ISM1: variants seen among roughly 807,000 people sequenced by gnomAD.
ISM1 encodes the protein isthmin-1.
A neutral mutation model predicts 46.3 loss-of-function variants in ISM1; 25 were observed. The observed-to-expected ratio is 0.54, with a 90% CI of 0.39 to 0.75. The LOEUF (loss-of-function observed/expected upper bound fraction) is 0.75. Among genes scored for constraint, ISM1 ranks in the 30% least tolerant of loss-of-function variants. The pLI is 0.00. For synonymous variants in ISM1, 255 were observed against 256.7 expected (o/e 0.99, Z 0.06); for missense variants, 536 against 625.4 (o/e 0.86, Z 1.52).
chr20:13,272,105 C>A (rs530630996), intron 2 of ISM1, among the ~76,000 whole-genome samples: 108 of 152,158 alleles, frequency 7.1e-4, no homozygotes, highest in Non-Finnish European at 4.0e-4. Context: ...GCTTCCAATT[C>A]TTTCTATTTG....
chr20:13,299,469 G>A lies in ISM1; in HGVS notation c.*10G>A. On this transcript the variant is annotated 3_prime_UTR_variant, in exon 6 of 6. Transcript: ENST00000262487. The surrounding 1 kb of genome is among the most constrained non-coding windows in gnomAD (Gnocchi z 5.8). ...GGCCAGGGAATATTAAAGAGACTGG[G>A]ATGAGGTGGAGGACGCTGCCTCTGG... 1 of 1,584,972 alleles carries A rather than the reference G, an allele frequency of 6.3e-7. No individual in the cohort carries two copies. Among genetic ancestry groups the A allele is most frequent in the South Asian group, 1.1e-5 (1 of 90,008 alleles).
intron 1 of ISM1, among the ~76,000 whole-genome samples, chr20:13,261,436 A>G (rs2039988599): frequency 6.6e-6 from 1 of 152,084 alleles, no homozygotes; most frequent in South Asian, 2.1e-4. Flanking sequence ...AAAAAAAAAA[A>G]AAAGAAAAAA....
At chr20:13,310,877 C>A in the ISM1 span, among the ~76,000 whole-genome samples, 4 of 152,256 alleles carry the variant, frequency 2.6e-5, no homozygotes, top group Middle Eastern at 3.4e-3. Context: ...TTACTTCATA[C>A]CTGTAAGGAA....
At chr20:13,311,754 G>C in the ISM1 span, among the ~76,000 whole-genome samples, 1 of 152,312 alleles carries the variant, frequency 6.6e-6, no homozygotes, top group Middle Eastern at 3.4e-3. Flanking sequence ...TACCAGCAGA[G>C]AGTAGAATGG....
chr20:13,260,139 C>A (rs1378446528), intron 1 of ISM1, among the ~76,000 whole-genome samples: 1 of 152,232 alleles, frequency 6.6e-6, no homozygotes, highest in Non-Finnish European at 1.5e-5. Flanking sequence ...CAGGAACAAT[C>A]TGTACAGGCA....
At chr20:13,254,651 G>T (rs756734661) in intron 1 of ISM1, among the ~76,000 whole-genome samples, 1 of 152,286 alleles carries the variant, frequency 6.6e-6, no homozygotes, top group South Asian at 2.1e-4. Flanking sequence ...AAAGGGAGAA[G>T]CTGGGCACTA....
chr20:13,238,237 C>T (rs1221608845), intron 1 of ISM1: 1 of 152,180 alleles, frequency 6.6e-6, no homozygotes, highest in Non-Finnish European at 1.5e-5. Flanking sequence ...GAGACTTCTA[C>T]TGGACATGGT....
At chr20:13,266,849 T>C (rs555625698) in intron 1 of ISM1, among the ~76,000 whole-genome samples, 149 of 152,336 alleles carry the variant, frequency 9.8e-4, no homozygotes, top group Non-Finnish European at 1.9e-3. Flanking sequence ...GCTGGAATAA[T>C]TCACGTGGAA....
chr20:13,223,765 C>G (rs2039480495), intron 1 of ISM1, among the ~76,000 whole-genome samples: 1 of 152,126 alleles, frequency 6.6e-6, no homozygotes, highest in East Asian at 1.9e-4. Flanking sequence ...ACCCACCAAT[C>G]TAACACTGCG....
At position 13,221,533 on chromosome 20, in the gene ISM1, C is replaced by A. The variant is rs1165765714; in HGVS notation, c.-244C>A. 1.4e-5 allele frequency among the ~76,000 whole-genome samples: 2 copies of A among 144,348 alleles called. No homozygotes were observed. The highest frequency in any genetic ancestry group is 2.5e-5 in the African/African-American group (1 of 40,296). The allele number at this position is 144,348 out of a possible 152,430, so 94.7% of individuals were successfully genotyped here. A position where few individuals can be genotyped will look rare whatever the true frequency, so the allele number is the denominator to read the frequency against. ...CAGCCGGCTTGGACACCCCCGGCCT[C>A]GCGGTGGCTCCGCCGTGGTGCGGCG... is the stretch of plus-strand genomic sequence containing the variant. On this transcript the variant is annotated 5_prime_UTR_variant, in exon 1 of 6. Transcript: ENST00000262487.
chr20:13,279,788 A>G lies in ISM1; in HGVS notation c.533A>G (p.Tyr178Cys), dbSNP rs2040218029. The G allele has an allele frequency of 6.2e-7, 1 of 1,614,054 alleles. No individual in the cohort carries two copies. The highest frequency in any genetic ancestry group is 8.5e-7 in the Non-Finnish European group (1 of 1,179,900). The change falls in exon 3 of 6, where the codon TAC (tyrosine) becomes TGC (cysteine). Residue 178 changes from tyrosine to cysteine, a missense_variant. Physicochemically the swap from Tyr to Cys is radical, Grantham distance 194. Transcript: ENST00000262487. ...AGGGCAAACAGCGGGGACCAGGACTACAAGTACGACAGTACCTCAGACGAC... is the reference window on the plus strand; with the variant it reads ...AGGGCAAACAGCGGGGACCAGGACTGCAAGTACGACAGTACCTCAGACGAC... ...LARANSGDQD[Y>C]KYDSTSDDSN... is the part of the protein sequence containing the mutation.
intron 2 of ISM1, among the ~76,000 whole-genome samples, chr20:13,271,986 T>C (rs7264290): frequency 0.16 from 23,848 of 152,066 alleles, 1,962 homozygotes; most frequent in East Asian, 0.21. Flanking sequence ...GCCATATCGC[T>C]CAGGCTGGGC....
rs572442830 is a variant in ISM1, at chr20:13,279,808, G to A, written c.553G>A (p.Asp185Asn). The change falls in exon 3 of 6, where the codon GAC (aspartate) becomes AAC (asparagine). Residue 185 changes from aspartate to asparagine, a missense_variant. Asp to Asn is a conservative substitution (Grantham distance 23). Coordinates refer to ENST00000262487, the MANE Select transcript of ISM1 (RefSeq NM_080826.2). ...GGACTACAAGTACGACAGTACCTCAGACGACAGCAACTTCCTCAACCCCCC... is the reference window on the plus strand; with the variant it reads ...GGACTACAAGTACGACAGTACCTCAAACGACAGCAACTTCCTCAACCCCCC... ...DQDYKYDSTS[D>N]DSNFLNPPRG... 6.2e-7 allele frequency: 1 copy of A among 1,614,028 alleles called. No homozygotes were observed. The highest frequency in any genetic ancestry group is 1.3e-5 in the African/African-American group (1 of 75,058).
At chr20:13,294,914 T>C (rs1202614405) in intron 5 of ISM1, among the ~76,000 whole-genome samples, 3 of 152,176 alleles carry the variant, frequency 2.0e-5, no homozygotes, top group African/African-American at 7.2e-5. Context: ...TCCTGAAAGT[T>C]GCGTTGCAAT....
At chr20:13,272,549 G>A (rs529992601) in intron 2 of ISM1, among the ~76,000 whole-genome samples, 79 of 152,282 alleles carry the variant, frequency 5.2e-4, no homozygotes, top group African/African-American at 1.5e-3. Flanking sequence ...GAAAGAAGTC[G>A]GACAGGCTCT....
the ISM1 span, among the ~76,000 whole-genome samples, chr20:13,313,373 C>A: frequency 6.6e-6 from 1 of 152,226 alleles, no homozygotes; most frequent in Non-Finnish European, 1.5e-5. Context: ...GTAGCTTACT[C>A]TTGTGTCAAT....
chr20:13,290,036 T>C (rs4814215), intron 4 of ISM1, among the ~76,000 whole-genome samples: 27,205 of 152,034 alleles, frequency 0.18, 2,699 homozygotes, highest in Admixed American at 0.24. Flanking sequence ...AGAATCAGAT[T>C]GGAATGAATG....
intron 1 of ISM1, among the ~76,000 whole-genome samples, chr20:13,253,972 C>G (rs1261868057): frequency 6.6e-6 from 1 of 150,816 alleles, no homozygotes; most frequent in Non-Finnish European, 1.5e-5. Flanking sequence ...AATCCCAGCA[C>G]CTTGGGAGGC....
At chr20:13,283,613 G>A (rs1459043207) in intron 3 of ISM1, among the ~76,000 whole-genome samples, 3 of 152,318 alleles carry the variant, frequency 2.0e-5, no homozygotes, top group Non-Finnish European at 2.9e-5. Context: ...CTCAACTGTG[G>A]AAAGTATGTG....
Sources: allele counts gnomAD v4.1 joint callset (sites outside exome capture counted in the v4.1 genomes callset), GRCh38; gene constraint gnomAD v4.1.1; non-coding constraint Gnocchi (gnomAD v3.1); transcripts MANE v1.5; gene names NCBI Gene and HGNC (gene_info 2026-07-23, HGNC 2026-07-21).